ERG: variants seen among roughly 807,000 people sequenced by gnomAD.
The protein encoded by ERG is transcriptional regulator ERG.
Under a neutral mutation model 55.3 loss-of-function variants are expected in ERG, and 9 were observed. The observed-to-expected ratio is 0.16, with a 90% CI of 0.10 to 0.28. ERG has a LOEUF of 0.28. Among genes scored for constraint, ERG ranks in the 10% least tolerant of loss-of-function variants. ERG has a pLI of 1.00. For missense variants in ERG, 434 were observed against 631.6 expected, an observed-to-expected ratio of 0.69 and a Z score of 3.35; for synonymous variants, 223 against 237.3, an observed-to-expected ratio of 0.94 and a Z score of 0.55.
chr21:38,653,928 T>C (rs2060502923), intron 1 of ERG, among the ~76,000 whole-genome samples: 1 of 152,270 alleles, frequency 6.6e-6, no homozygotes, highest in Non-Finnish European at 1.5e-5. Context: ...TTTATATTGA[T>C]GCTAAATGCA....
intron 3 of ERG, among the ~76,000 whole-genome samples, chr21:38,407,840 T>C (rs1270525315): frequency 6.8e-6 from 1 of 147,226 alleles, no homozygotes; most frequent in Non-Finnish European, 1.5e-5. Flanking sequence ...ATAAAACTAC[T>C]AAAATACTTT....
At chr21:38,552,160 AT>A (rs758804705) in intron 2 of ERG, among the ~76,000 whole-genome samples, 2 of 152,098 alleles carry the variant, frequency 1.3e-5, no homozygotes, top group Non-Finnish European at 2.9e-5. Flanking sequence ...GAACAGACCA[AT>A]AACGAATTAC....
intron 1 of ERG, among the ~76,000 whole-genome samples, chr21:38,634,786 A>G (rs1276193834): frequency 6.6e-6 from 1 of 152,232 alleles, no homozygotes; most frequent in Non-Finnish European, 1.5e-5. Context: ...CTCAATAATG[A>G]TTACAATGGC....
At chr21:38,528,864 T>C (rs2059651472) in intron 2 of ERG, among the ~76,000 whole-genome samples, 1 of 152,152 alleles carries the variant, frequency 6.6e-6, no homozygotes, top group Non-Finnish European at 1.5e-5. Context: ...AACCACAATA[T>C]TAGCATTAAT....
chr21:38,456,949 A>G (rs944075740), intron 1 of ERG, among the ~76,000 whole-genome samples: 7 of 152,232 alleles, frequency 4.6e-5, no homozygotes. Flanking sequence ...TCCTGGTAAC[A>G]CTTTTCATGC....
intron 6 of ERG, among the ~76,000 whole-genome samples, chr21:38,397,782 G>A (rs1044672288): frequency 1.3e-5 from 2 of 152,020 alleles, no homozygotes; most frequent in East Asian, 1.9e-4. Flanking sequence ...CAGAAAGGGT[G>A]CGGAATGCTG....
At chr21:38,442,213 G>T (rs1022420368) in intron 2 of ERG, among the ~76,000 whole-genome samples, 40 of 152,254 alleles carry the variant, frequency 2.6e-4, no homozygotes, top group Admixed American at 2.2e-3. Context: ...GGCCAACATG[G>T]TGAAACCCCA....
At chr21:38,469,838 G>A (rs2059124424) in intron 1 of ERG, among the ~76,000 whole-genome samples, 1 of 152,180 alleles carries the variant, frequency 6.6e-6, no homozygotes, top group Non-Finnish European at 1.5e-5. Flanking sequence ...GTTTACACAT[G>A]TGATCTCATT....
chr21:38,382,577 C>A lies in ERG; in HGVS notation c.*826G>T. The A allele has an allele frequency of 9.4e-7, 1 of 1,065,976 alleles. No individual in the cohort carries two copies. Among genetic ancestry groups the A allele is most frequent in the Non-Finnish European group, 1.1e-6 (1 of 879,450 alleles). The allele number at this position is 1,065,976 out of a possible 1,614,324, so 66.0% of individuals were successfully genotyped here. The stretch of plus-strand genomic sequence containing the variant: ...TTTGGTATAACACTGACTGCATGAA[C>A]CCTCGAGTCTCCATAACTCATTGTA... On this transcript the variant is annotated 3_prime_UTR_variant, in exon 10 of 10. Transcript: ENST00000288319.
At chr21:38,480,290 G>C (rs2059225276) in intron 1 of ERG, among the ~76,000 whole-genome samples, 1 of 152,116 alleles carries the variant, frequency 6.6e-6, no homozygotes, top group South Asian at 2.1e-4. Context: ...AGAAACCATG[G>C]AAAGTGGAAT....
At chr21:38,451,127 A>G in intron 1 of ERG, 1 of 457,708 alleles carries the variant, frequency 2.2e-6, no homozygotes, top group Non-Finnish European at 4.4e-6. Context: ...AGAGAGAGAC[A>G]GAGAGAGAGA....
intron 1 of ERG, among the ~76,000 whole-genome samples, chr21:38,596,430 G>T (rs987323034): frequency 2.0e-5 from 3 of 152,188 alleles, no homozygotes; most frequent in Non-Finnish European, 4.4e-5. Flanking sequence ...CAACAGCAGA[G>T]AAAGCAAACA....
chr21:38,632,830 T>C (rs764307315), intron 1 of ERG, among the ~76,000 whole-genome samples: 1 of 152,120 alleles, frequency 6.6e-6, no homozygotes, highest in Non-Finnish European at 1.5e-5. Context: ...GAAAACAGTA[T>C]GGAGGGTCCT....
chr21:38,403,167 C>T (rs1185938051), intron 4 of ERG, among the ~76,000 whole-genome samples: 9 of 152,166 alleles, frequency 5.9e-5, no homozygotes, highest in Non-Finnish European at 1.3e-4. Context: ...TATTTCGATT[C>T]GGGGTATCAT....
At chr21:38,593,318 C>A (rs772893403) in intron 1 of ERG, among the ~76,000 whole-genome samples, 1 of 152,204 alleles carries the variant, frequency 6.6e-6, no homozygotes, top group Non-Finnish European at 1.5e-5. Flanking sequence ...TTACACTGAG[C>A]CTTCTGTTCA....
intron 1 of ERG, among the ~76,000 whole-genome samples, chr21:38,459,188 G>C (rs867801968): frequency 3.1e-4 from 47 of 152,294 alleles, no homozygotes; most frequent in African/African-American, 1.1e-3. Context: ...GCCAGGAAGC[G>C]CAGCGCATTT....
intron 5 of ERG, 64 bp downstream of exon 5, chr21:38,402,493 A>G: frequency 8.0e-7 from 1 of 1,249,758 alleles, no homozygotes; most frequent in Non-Finnish European, 1.2e-6. Flanking sequence ...TTCCCATGAA[A>G]GCATGCAACC....
intron 3 of ERG, among the ~76,000 whole-genome samples, chr21:38,417,767 C>A (rs1030926645): frequency 7.9e-5 from 12 of 152,104 alleles, no homozygotes; most frequent in African/African-American, 2.9e-4. Context: ...CCAGCCTGGG[C>A]AACAGAGCGA....
At position 38,531,710 on chromosome 21, in the gene ERG, T is replaced by C. The variant is rs534251247; in HGVS notation, c.-41+43952A>G. ...AGAAGCTGCAAATTTGAATTCAATTTAAAAAATCATGGCACAGGGACAAAA... is the reference window on the plus strand; with the variant it reads ...AGAAGCTGCAAATTTGAATTCAATTCAAAAAATCATGGCACAGGGACAAAA... On this transcript the variant is annotated intron_variant, in intron 2 of 8. Transcript: ENST00000398897. 3.8e-3 allele frequency among the ~76,000 whole-genome samples: 572 copies of C among 152,314 alleles called. 5 individuals carry two copies. Among genetic ancestry groups the C allele is most frequent in the Non-Finnish European group, 6.1e-3 (418 of 68,022 alleles).
Sources: allele counts gnomAD v4.1 joint callset (sites outside exome capture counted in the v4.1 genomes callset), GRCh38; gene constraint gnomAD v4.1.1; transcripts MANE v1.5; gene names NCBI Gene and HGNC (gene_info 2026-07-23, HGNC 2026-07-21).